DSC3: variants seen among roughly 807,000 people sequenced by gnomAD.
DSC3 encodes desmocollin-3.
A neutral mutation model predicts 89.5 loss-of-function variants in DSC3; 97 were observed. That is an observed-to-expected ratio of 1.08 (90% CI 0.92 to 1.28). The LOEUF is 1.28. DSC3 is among the 50% of genes most tolerant of loss of function. DSC3 has a pLI of 0.00. For missense variants in DSC3, 1,199 were observed against 1,085.3 expected, an observed-to-expected ratio of 1.10 and a Z score of -1.47; for synonymous variants, 436 against 384.1, an observed-to-expected ratio of 1.14 and a Z score of -1.58.
At chr18:31,002,652 A>T (rs1372564537) in intron 13 of DSC3, among the ~76,000 whole-genome samples, 3 of 151,174 alleles carry the variant, frequency 2.0e-5, no homozygotes, top group African/African-American at 4.9e-5. Flanking sequence ...GTGAGCCAAG[A>T]TCTTGCCATT....
chr18:30,997,026 G>A lies in DSC3; in HGVS notation c.2258C>T (p.Thr753Ile), dbSNP rs1239197942. The A allele has an allele frequency of 6.2e-7, 1 of 1,613,990 alleles. No individual in the cohort carries two copies. The highest frequency in any genetic ancestry group is 2.2e-5 in the East Asian group (1 of 44,886). ...DRVCSANGFM[T>I]QTTNNSSQGF... ...TTGGCTAGAGTTGTTGGTAGTTTGG[G>A]TCATAAATCCATTGGCAGAGCACTG... is the stretch of plus-strand genomic sequence containing the variant. Residue 753 changes from threonine (T) to isoleucine (I), a missense_variant, in exon 15 of 16, where the codon ACC becomes ATC. Transcript: ENST00000360428.
intron 15 of DSC3, 22 bp from the exon 16 acceptor site, chr18:30,994,394 G>A: frequency 6.2e-7 from 1 of 1,609,318 alleles, no homozygotes; most frequent in Non-Finnish European, 8.5e-7. Context: ...TTTAAAAAAT[G>A]AATTGCATTA....
chr18:31,008,299 T>A lies in DSC3; in HGVS notation c.1490A>T (p.Asp497Val). Residue 497 changes from aspartate to valine, a missense_variant, in exon 10 of 16, where the codon GAC (aspartate) becomes GTC (valine). Coordinates refer to ENST00000360428, the MANE Select transcript of DSC3 (RefSeq NM_001941.5). ...ACCATTGCCATTTCTATTTTCGGGG[T>A]CATATGCCTTATAGCCGTTGATCTT... ...GSKINGYKAYDPENRNGNGLR... is the reference protein window; with the variant it reads ...GSKINGYKAYVPENRNGNGLR... The A allele has an allele frequency of 6.2e-7, 1 of 1,614,072 alleles. No individual in the cohort carries two copies. Among genetic ancestry groups the A allele is most frequent in the Non-Finnish European group, 8.5e-7 (1 of 1,180,008 alleles).
intron 15 of DSC3, among the ~76,000 whole-genome samples, chr18:30,994,858 A>G (rs997725610): frequency 6.6e-6 from 1 of 152,218 alleles, no homozygotes; most frequent in African/African-American, 2.4e-5. Context: ...TGACAAAATA[A>G]TGACGCATAA....
chr18:30,990,082 C>T lies in DSC3; in HGVS notation c.*4093G>A, dbSNP rs1984181673. On this transcript the variant is annotated 3_prime_UTR_variant, in exon 16 of 16. Transcript: ENST00000360428. ...ATGAGATATTGTTCGGTAGTATATC[C>T]AACTACATAATTTTACCAACTACCT... 6.6e-6 allele frequency: 1 copy of T among 152,084 alleles called. No individual in the cohort carries two copies. Among genetic ancestry groups the T allele is most frequent in the Non-Finnish European group, 1.5e-5 (1 of 68,018 alleles). The allele number at this position is 152,084 out of a possible 1,614,324, so 9.4% of individuals were successfully genotyped here.
intron 13 of DSC3, 24 bp downstream of exon 13, chr18:31,004,118 C>A: frequency 6.4e-7 from 1 of 1,559,810 alleles, no homozygotes; most frequent in South Asian, 1.1e-5. Context: ...TATATTTTAA[C>A]TTCAAGAAAG....
At chr18:30,994,726 G>A (rs1984398612) in intron 15 of DSC3, among the ~76,000 whole-genome samples, 1 of 152,198 alleles carries the variant, frequency 6.6e-6, no homozygotes, top group Admixed American at 6.5e-5. Context: ...GAGATAGGAT[G>A]TCAAACAGCC....
intron 1 of DSC3, among the ~76,000 whole-genome samples, chr18:31,035,338 G>A (rs1271796411): frequency 6.6e-6 from 1 of 151,514 alleles, no homozygotes; most frequent in Non-Finnish European, 1.5e-5. Flanking sequence ...GGACAAATAG[G>A]GCCAACATGT....
At chr18:31,009,033 C>G (rs561912390) in intron 9 of DSC3, among the ~76,000 whole-genome samples, 1 of 152,048 alleles carries the variant, frequency 6.6e-6, no homozygotes, top group African/African-American at 2.4e-5. Context: ...AAAGATATCT[C>G]CAGTATTTTA....
Position 31,001,731 on chromosome 18 carries a change from G to T in DSC3, c.2122C>A (p.Leu708Ile), listed in dbSNP as rs757758491. 1 of 1,596,258 alleles carries T rather than the reference G, an allele frequency of 6.3e-7. No homozygotes were observed. The highest frequency in any genetic ancestry group is 1.3e-5 in the African/African-American group (1 of 74,146). The part of the protein sequence containing the change: ...LGIALLFSVL[L>I]TLVCGVFGAT... ...CCAAAAACTCCACATACTAAAGTTA[G>T]CAATACAGCTGAATTTAAAAATAAA... The change falls in exon 14 of 16, where the codon CTA becomes ATA. Residue 708 changes from leucine to isoleucine, a missense_variant. Physicochemically the swap from Leu to Ile is conservative, Grantham distance 5. Transcript: ENST00000360428.
chr18:30,994,467 T>TG, intron 15 of DSC3, 95 bp from the exon 16 acceptor site: 1 of 1,597,700 alleles, frequency 6.3e-7, no homozygotes, highest in East Asian at 2.2e-5. Flanking sequence ...TTATGTTTAA[T>TG]TTTTAACCAG....
chr18:31,042,648 C>G lies in DSC3; in HGVS notation c.13G>C (p.Gly5Arg). 1 of 1,549,590 alleles carries G rather than the reference C, an allele frequency of 6.5e-7. No individual in the cohort carries two copies. Among genetic ancestry groups the G allele is most frequent in the South Asian group, 1.2e-5 (1 of 84,002 alleles). Residue 5 changes from glycine (G) to arginine (R), a missense_variant, in exon 1 of 16, where the codon GGG (glycine) becomes CGG (arginine). By Grantham distance (125) the Gly-to-Arg change is moderately radical (BLOSUM62 -2). Coordinates refer to ENST00000360428, the MANE Select transcript of DSC3 (RefSeq NM_001941.5). MAAA[G>R]PRRSVRGAVC... ...GCTCCGCGCACGGAGCGCCGGGGCC[C>G]AGCGGCGGCCATCGGGATGCCGGGC...
intron 15 of DSC3, among the ~76,000 whole-genome samples, chr18:30,995,915 T>C (rs938017850): frequency 9.9e-5 from 13 of 131,032 alleles, no homozygotes; most frequent in Non-Finnish European, 2.0e-4. Context: ...AAGGCTGCAG[T>C]GAGTGGAGAT....
chr18:31,002,113 G>A (rs753621069), intron 13 of DSC3, among the ~76,000 whole-genome samples: 2 of 152,096 alleles, frequency 1.3e-5, no homozygotes, highest in African/African-American at 2.4e-5. Context: ...AAAGAATTGT[G>A]TACATAAAAA....
In DSC3 at chr18:31,008,477, T is replaced by C. The variant is rs1325819428; in HGVS notation, c.1312A>G (p.Asn438Asp). Residue 438 changes from asparagine (N) to aspartate (D), a missense_variant, in exon 10 of 16, where the codon AAC (asparagine) becomes GAC (aspartate). Coordinates refer to ENST00000360428, the MANE Select transcript of DSC3 (RefSeq NM_001941.5). ...NRQVNLEIGV[N>D]NEAPFARDIP... is the part of the protein sequence containing the mutation. Reference sequence around the variant, plus strand: ...TCTCTAGCAAATGGCGCTTCATTGTTTACTCCAATTTCCAGGTTCACTTGA... The same window carrying C: ...TCTCTAGCAAATGGCGCTTCATTGTCTACTCCAATTTCCAGGTTCACTTGA... 1 of 1,614,090 alleles carries C rather than the reference T, an allele frequency of 6.2e-7. No homozygotes were observed. Among genetic ancestry groups the C allele is most frequent in the Non-Finnish European group, 8.5e-7 (1 of 1,180,030 alleles).
chr18:30,995,651 C>T (rs1163300197), intron 15 of DSC3, among the ~76,000 whole-genome samples: 2 of 152,048 alleles, frequency 1.3e-5, no homozygotes, highest in Non-Finnish European at 2.9e-5. Context: ...GAGTAGAACA[C>T]AGCCATTAGT....
rs1000097511 is a variant in DSC3 at position 31,011,023 on chromosome 18, T to C, written c.1264-2498A>G. 9.2e-5 allele frequency among the ~76,000 whole-genome samples: 14 copies of C among 152,360 alleles called. No homozygotes were observed. In the East Asian group the frequency reaches 2.7e-3, roughly 29 times the overall value. On this transcript the variant is annotated intron_variant, in intron 9 of 15. Transcript: ENST00000360428. Reference sequence around the variant, plus strand: ...TTAGGGAGGCAGAAAGAAGTATTGTTCCCATTTTACAGATAACACAGAGGC... The same window carrying C: ...TTAGGGAGGCAGAAAGAAGTATTGTCCCCATTTTACAGATAACACAGAGGC...
chr18:31,032,556 G>A (rs1275137888), intron 1 of DSC3, among the ~76,000 whole-genome samples: 1 of 72,960 alleles, frequency 1.4e-5, no homozygotes, highest in African/African-American at 4.9e-5. Flanking sequence ...CTGTGTGTAT[G>A]TGTGTGTGTG....
At chr18:30,997,646 C>T (rs962013004) in intron 14 of DSC3, among the ~76,000 whole-genome samples, 3 of 152,028 alleles carry the variant, frequency 2.0e-5, no homozygotes, top group Admixed American at 6.6e-5. Context: ...CATAGTCTCT[C>T]GATGGCTCCA....
Sources: allele counts gnomAD v4.1 joint callset (sites outside exome capture counted in the v4.1 genomes callset), GRCh38; gene constraint gnomAD v4.1.1; transcripts MANE v1.5; gene names NCBI Gene and HGNC (gene_info 2026-07-23, HGNC 2026-07-21).